The following RIMS2 variants were observed in gnomAD, a reference collection of about 807,000 sequenced individuals.
RIMS2 encodes the protein regulating synaptic membrane exocytosis protein 2.
A neutral mutation model predicts 174.4 loss-of-function variants in RIMS2; 59 were observed. The observed-to-expected ratio is 0.34, with a 90% CI of 0.27 to 0.42. The LOEUF is 0.42. RIMS2 is among the 10% of genes least tolerant of loss of function. RIMS2 has a pLI of 1.00. For missense variants in RIMS2, 1,620 were observed against 1,666.3 expected, an observed-to-expected ratio of 0.97 and a Z score of 0.48; for synonymous variants, 606 against 572.5, an observed-to-expected ratio of 1.06 and a Z score of -0.84.
intron 2 of RIMS2, among the ~76,000 whole-genome samples, chr8:103,724,409 A>T (rs1224196860): frequency 6.6e-6 from 1 of 152,298 alleles, no homozygotes; most frequent in African/African-American, 2.4e-5. Context: ...GTTAAAGAAT[A>T]TAATTCTTTA....
chr8:104,189,391 A>C (rs2098985721), intron 19 of RIMS2, among the ~76,000 whole-genome samples: 1 of 151,852 alleles, frequency 6.6e-6, no homozygotes, highest in Non-Finnish European at 1.5e-5. Flanking sequence ...TTCCTGATCC[A>C]GGAATGGGAC....
chr8:104,163,047 A>G (rs1390131206), intron 19 of RIMS2, among the ~76,000 whole-genome samples: 1 of 152,176 alleles, frequency 6.6e-6, no homozygotes, highest in Non-Finnish European at 1.5e-5. Context: ...CTAGCTAAGC[A>G]GTAATGATAC....
intron 1 of RIMS2, among the ~76,000 whole-genome samples, chr8:103,580,503 A>G (rs2093545652): frequency 6.6e-6 from 1 of 152,050 alleles, no homozygotes; most frequent in Non-Finnish European, 1.5e-5. Flanking sequence ...CAACAAGATG[A>G]CATAACAATT....
At chr8:103,529,220 G>T (rs886862801) in intron 1 of RIMS2, among the ~76,000 whole-genome samples, 1 of 148,688 alleles carries the variant, frequency 6.7e-6, no homozygotes, top group Non-Finnish European at 1.5e-5. Flanking sequence ...AAGAATGCTT[G>T]TGATTTTTGC....
intron 1 of RIMS2, among the ~76,000 whole-genome samples, chr8:103,632,731 A>AT (rs61579273): frequency 0.27 from 19,246 of 70,290 alleles, 3,812 homozygotes; most frequent in East Asian, 0.72. Context: ...ATATTTATTG[A>AT]TTTTTTTTTT....
At chr8:103,797,551 A>G (rs976101028) in intron 3 of RIMS2, among the ~76,000 whole-genome samples, 1 of 152,114 alleles carries the variant, frequency 6.6e-6, no homozygotes, top group African/African-American at 2.4e-5. Context: ...GAATCTGGTA[A>G]TTTTCCCTGC....
chr8:104,207,158 C>T (rs1291635898), intron 19 of RIMS2, among the ~76,000 whole-genome samples: 1 of 151,988 alleles, frequency 6.6e-6, no homozygotes, highest in Non-Finnish European at 1.5e-5. Context: ...TATGGAGGTT[C>T]ATAATAATTT....
At chr8:104,140,410 G>A (rs1002103950) in intron 19 of RIMS2, among the ~76,000 whole-genome samples, 7 of 151,948 alleles carry the variant, frequency 4.6e-5, no homozygotes, top group South Asian at 2.1e-4. Context: ...ATTTGTATAA[G>A]CATTTTCACT....
At chr8:103,757,004 TGTGTGTGAGAGAGAGA>T (rs2098025875) in intron 2 of RIMS2, among the ~76,000 whole-genome samples, 1 of 130,504 alleles carries the variant, frequency 7.7e-6, no homozygotes, top group Non-Finnish European at 1.7e-5. Context: ...TGTGTGTGTG[TGTGTGTGAGAGAGAGA>T]GAGAGAGAGA....
At position 103,541,536 on chromosome 8, in the gene RIMS2, A is replaced by G. The variant is rs186842060; in HGVS notation, c.176+40474A>G. ...AAGAAATGCTAAGGAGAGTTATTCA[A>G]ACTGAAATAAGAAAAGAAATGCTTT... On this transcript the variant is annotated intron_variant, in intron 1 of 23. Transcript: ENST00000504942. Among the ~76,000 whole-genome samples the G allele has an allele frequency of 3.9e-5, 6 of 152,364 alleles. No individual in the cohort carries two copies. In the East Asian group the frequency reaches 1.2e-3, roughly 29 times the overall value.
At chr8:103,804,795 A>G (rs2098639093) in intron 3 of RIMS2, among the ~76,000 whole-genome samples, 1 of 151,952 alleles carries the variant, frequency 6.6e-6, no homozygotes, top group Non-Finnish European at 1.5e-5. Flanking sequence ...AGGAGTTTGT[A>G]GAAATTGTCT....
intron 19 of RIMS2, among the ~76,000 whole-genome samples, chr8:104,102,799 C>T (rs2131196108): frequency 6.6e-6 from 1 of 152,190 alleles, no homozygotes; most frequent in Admixed American, 6.5e-5. Context: ...AAAACCCGTC[C>T]CCATGATTCA....
At chr8:104,242,833 G>A (rs376368108) in intron 19 of RIMS2, among the ~76,000 whole-genome samples, 13 of 152,150 alleles carry the variant, frequency 8.5e-5, no homozygotes, top group East Asian at 7.7e-4. Context: ...GTGCTACTAA[G>A]TTTCATCACT....
At chr8:103,501,202 C>T (rs1041383360) in intron 1 of RIMS2, 140 bp downstream of exon 1, 4 of 495,856 alleles carry the variant, frequency 8.1e-6, no homozygotes, top group Non-Finnish European at 1.3e-5. Context: ...GCGGCCAGCG[C>T]CGGCCGCCCG....
At chr8:103,618,462 A>T (rs1023906128) in intron 1 of RIMS2, among the ~76,000 whole-genome samples, 13 of 152,270 alleles carry the variant, frequency 8.5e-5, no homozygotes, top group Non-Finnish European at 1.3e-4. Context: ...TGGAAAAGAC[A>T]CTAGAGTAGG....
chr8:103,997,760 A>G (rs1416595120), intron 17 of RIMS2, among the ~76,000 whole-genome samples: 1 of 151,756 alleles, frequency 6.6e-6, no homozygotes, highest in Non-Finnish European at 1.5e-5. Context: ...ATTATTAATA[A>G]TTAAAAGAGA....
At chr8:103,521,989 G>A (rs1420549004) in intron 1 of RIMS2, among the ~76,000 whole-genome samples, 1 of 151,692 alleles carries the variant, frequency 6.6e-6, no homozygotes, top group Non-Finnish European at 1.5e-5. Context: ...GGCTAGTAAT[G>A]TTTTTTTTCT....
chr8:104,079,066 A>G (rs2097355465), intron 19 of RIMS2, among the ~76,000 whole-genome samples: 1 of 152,180 alleles, frequency 6.6e-6, no homozygotes, highest in Admixed American at 6.6e-5. Context: ...AATTATGAGT[A>G]AGTCTTCCAG....
At chr8:103,920,730 G>T (rs910081914) in intron 9 of RIMS2, 1 of 455,890 alleles carries the variant, frequency 2.2e-6, no homozygotes, top group Non-Finnish European at 4.4e-6. Flanking sequence ...TGGCTCACGC[G>T]TGTAATCCCA....
Sources: allele counts gnomAD v4.1 joint callset (sites outside exome capture counted in the v4.1 genomes callset), GRCh38; gene constraint gnomAD v4.1.1; transcripts MANE v1.5; gene names NCBI Gene and HGNC (gene_info 2026-07-23, HGNC 2026-07-21).